The following SAG variants were observed in gnomAD, a reference collection of about 807,000 sequenced individuals.
The protein encoded by SAG is S-arrestin.
In SAG, 45 loss-of-function variants were observed where a neutral mutation model predicts 55.0. The observed-to-expected ratio is 0.82, with a 90% CI of 0.64 to 1.05. SAG has a LOEUF of 1.05. SAG is among the 50% of genes least tolerant of loss of function. SAG has a pLI of 0.00. For missense variants in SAG, 455 were observed against 512.1 expected (o/e 0.89, Z 1.08); for synonymous variants, 189 against 197.4 (o/e 0.96, Z 0.36).
intron 1 of SAG, among the ~76,000 whole-genome samples, chr2:233,308,723 G>A (rs989579823): frequency 2.0e-5 from 3 of 152,098 alleles, no homozygotes; most frequent in South Asian, 4.1e-4. Flanking sequence ...CACAGTGCCC[G>A]GCCATTAATA....
chr2:233,313,142 A>G (rs1263532016), intron 2 of SAG, among the ~76,000 whole-genome samples: 4 of 152,204 alleles, frequency 2.6e-5, no homozygotes, highest in Non-Finnish European at 4.4e-5. Context: ...CGCAGGCCAC[A>G]TGCTCCCGGG....
chr2:233,315,521 G>A (rs531005008), intron 2 of SAG, among the ~76,000 whole-genome samples: 8 of 151,334 alleles, frequency 5.3e-5, no homozygotes, highest in Non-Finnish European at 7.4e-5. Flanking sequence ...TCAAACTCCC[G>A]ACCTCAGGTG....
chr2:233,330,684 A>G (rs1052028104), intron 9 of SAG, among the ~76,000 whole-genome samples: 1 of 151,308 alleles, frequency 6.6e-6, no homozygotes, highest in Admixed American at 6.6e-5. Context: ...GCGTGCACCA[A>G]TTTTGCCTGG....
rs187395927 is a variant in SAG at position 233,341,142 on chromosome 2, A to G, written c.1046+664A>G. ...TTTACCATTTTAACCGTTTTGTTTT[A>G]TTTTATTTTATTTTATTTTGAGACA... On this transcript the variant is annotated intron_variant, in intron 13 of 15. Transcript: ENST00000409110. Among the ~76,000 whole-genome samples, 305 of 151,890 alleles carry G rather than the reference A, an allele frequency of 2.0e-3. 1 individual carries two copies. The highest frequency in any genetic ancestry group is 3.6e-3 in the Admixed American group (55 of 15,218).
At chr2:233,321,343 T>C (rs952970946) in intron 5 of SAG, among the ~76,000 whole-genome samples, 3 of 152,162 alleles carry the variant, frequency 2.0e-5, no homozygotes, top group Non-Finnish European at 4.4e-5. Context: ...GTGAGCTCAA[T>C]TGGGGGAAGC....
intron 5 of SAG, among the ~76,000 whole-genome samples, chr2:233,321,921 T>C (rs1166008450): frequency 2.0e-5 from 3 of 151,380 alleles, no homozygotes; most frequent in Non-Finnish European, 4.4e-5. Flanking sequence ...AAACGTGTGC[T>C]TCTCCGAGGT....
chr2:233,341,599 C>A (rs925543361), intron 13 of SAG, among the ~76,000 whole-genome samples: 1 of 152,142 alleles, frequency 6.6e-6, no homozygotes, highest in African/African-American at 2.4e-5. Flanking sequence ...TAACAAAAGG[C>A]CACATATTGT....
rs532426418 is a variant in SAG at position 233,328,372 on chromosome 2, G to C, written c.513-106G>C. 1.2e-5 allele frequency: 17 copies of C among 1,370,326 alleles called. No homozygotes were observed. In the African/African-American group the frequency reaches 2.3e-4, roughly 19 times the overall value. The allele number at this position is 1,370,326 out of a possible 1,614,324, so 84.9% of individuals were successfully genotyped here. A position where few individuals can be genotyped will look rare whatever the true frequency, so the allele number is the denominator to read the frequency against. On this transcript the variant is annotated intron_variant, in intron 7 of 15. Coordinates refer to ENST00000409110, the MANE Select transcript of SAG (RefSeq NM_000541.5). ...TCTTCCCGTCCACCCTGTCTCCATG[G>C]GGAGCATTCCTGGAGAATCTCCATG...
At chr2:233,313,554 A>G (rs1700134286) in intron 2 of SAG, among the ~76,000 whole-genome samples, 1 of 151,434 alleles carries the variant, frequency 6.6e-6, no homozygotes, top group African/African-American at 2.4e-5. Context: ...TCTGGAGACC[A>G]GTGAAGATCT....
At position 233,320,508 on chromosome 2, in the gene SAG, TC is replaced by T. The variant is rs2125327945; in HGVS notation, c.182-119del. Reference sequence around the variant, plus strand: ...AGCTGGGTGGCAGGGTTCTCTCCAATCCCAGCCCCTATCCCCTCCAGATGCT... The same window carrying T: ...AGCTGGGTGGCAGGGTTCTCTCCAATCCAGCCCCTATCCCCTCCAGATGCT... On this transcript the variant is annotated intron_variant, in intron 4 of 15. Transcript: ENST00000409110. 4 of 704,082 alleles carry T rather than the reference TC, an allele frequency of 5.7e-6. No individual in the cohort carries two copies. The East Asian group carries it at 1.2e-4, about 21-fold the overall frequency. The allele number at this position is 704,082 out of a possible 1,614,324, so 43.6% of individuals were successfully genotyped here. A position where few individuals can be genotyped will look rare whatever the true frequency, so the allele number is the denominator to read the frequency against.
chr2:233,319,223 G>A lies in SAG; in HGVS notation c.181+428G>A, dbSNP rs193018904. The stretch of plus-strand genomic sequence containing the variant: ...GTTTCTTCTGAGTCAGTGGCGAGGG[G>A]CAGTTACCGTTGGGGCTGACAGGCA... On this transcript the variant is annotated intron_variant, in intron 4 of 15. Coordinates refer to ENST00000409110, the MANE Select transcript of SAG (RefSeq NM_000541.5). This position sits in a 1 kb window ranked among gnomAD's most constrained non-coding sequence, Gnocchi z 4.4. Among the ~76,000 whole-genome samples, 50 of 152,108 alleles carry A rather than the reference G, an allele frequency of 3.3e-4. No homozygotes were observed. The highest frequency in any genetic ancestry group is 1.0e-3 in the African/African-American group (42 of 41,486).
At chr2:233,312,926 C>T (rs994548951) in intron 2 of SAG, among the ~76,000 whole-genome samples, 4 of 152,228 alleles carry the variant, frequency 2.6e-5, no homozygotes, top group African/African-American at 7.2e-5. Flanking sequence ...TTGCTGGGCT[C>T]CCAACCAAAG....
chr2:233,345,582 A>G, intron 14 of SAG: 1 of 152,212 alleles, frequency 6.6e-6, no homozygotes, highest in Non-Finnish European at 1.5e-5. Context: ...TTAGCCAGGC[A>G]TGGTGGTGGG....
At chr2:233,312,134 TAAAC>T (rs1448941430) in intron 2 of SAG, among the ~76,000 whole-genome samples, 1 of 152,166 alleles carries the variant, frequency 6.6e-6, no homozygotes, top group Non-Finnish European at 1.5e-5. Context: ...CTCAAATAAA[TAAAC>T]AAATAAGTAC....
chr2:233,321,986 TAC>T (rs57822347), intron 5 of SAG, among the ~76,000 whole-genome samples: 11,344 of 132,714 alleles, frequency 0.085, 482 homozygotes, highest in East Asian at 0.18. Flanking sequence ...CTACTAAAAA[TAC>T]ACACACACAC....
In SAG at chr2:233,308,399, C is replaced by T. The variant is rs569521223; in HGVS notation, c.-29+377C>T. Among the ~76,000 whole-genome samples the T allele has an allele frequency of 4.2e-3, 639 of 151,844 alleles. 3 individuals carry two copies. The highest frequency in any genetic ancestry group is 7.2e-3 in the Non-Finnish European group (486 of 67,964). On this transcript the variant is annotated intron_variant, in intron 1 of 15. Transcript: ENST00000409110. ...CAGGAGGATCACGAGCCCAGGAGTT[C>T]GAGGCTGCGGTGAGCTATGATTGTG...
rs780225792 is a variant in SAG, at chr2:233,328,580, G to A, written c.615G>A (p.Lys205=). The change falls in exon 8 of 16, where the codon AAG becomes AAA. Residue 205 remains lysine (K), a synonymous_variant. Transcript: ENST00000409110. ...EAAWQFFMSD[K]PLHLAVSLNK... is the part of the protein sequence containing the mutation. ...CCTGGCAGTTCTTCATGTCTGACAAGCCCCTGCACCTTGCGGTCTCTCTCA... is the reference window on the plus strand; with the variant it reads ...CCTGGCAGTTCTTCATGTCTGACAAACCCCTGCACCTTGCGGTCTCTCTCA... 6.2e-7 allele frequency: 1 copy of A among 1,613,538 alleles called. No individual in the cohort carries two copies. The highest frequency in any genetic ancestry group is 8.5e-7 in the Non-Finnish European group (1 of 1,179,612).
At chr2:233,312,546 C>G (rs10199833) in intron 2 of SAG, among the ~76,000 whole-genome samples, 2 of 152,066 alleles carry the variant, frequency 1.3e-5, no homozygotes, top group Admixed American at 1.3e-4. Context: ...ATTTAGCTTT[C>G]CTAAATACTG....
At chr2:233,334,683 G>T in intron 10 of SAG, 1 of 334,542 alleles carries the variant, frequency 3.0e-6, no homozygotes, top group Non-Finnish European at 5.6e-6. Flanking sequence ...TCTTGAGCCA[G>T]TTTGTCTCAT....
Sources: gnomAD v4.1 joint callset for allele counts (sites outside exome capture counted in the v4.1 genomes callset) on GRCh38, gnomAD v4.1.1 for gene constraint, Gnocchi (gnomAD v3.1) non-coding constraint, MANE v1.5 for transcripts, NCBI Gene and HGNC (gene_info 2026-07-23, HGNC 2026-07-21) for gene names.